The following SLC8A1 variants were observed in gnomAD, a reference collection of about 807,000 sequenced individuals.
The protein encoded by SLC8A1 is solute carrier family 8 member A1, also known as sodium/calcium exchanger 1.
In SLC8A1, 18 loss-of-function variants were observed where a neutral mutation model predicts 68.3. That is an observed-to-expected ratio of 0.26 (90% CI 0.18 to 0.39). SLC8A1 has a LOEUF of 0.39. SLC8A1 is among the 10% of genes least tolerant of loss of function. The pLI, the probability that SLC8A1 is intolerant of heterozygous loss-of-function variation, is 1.00. For missense variants in SLC8A1, 985 were observed against 1,156.7 expected (o/e 0.85, Z 2.15); for synonymous variants, 475 against 415.5 (o/e 1.14, Z -1.74).
At chr2:40,476,272 G>T (rs776664455) in intron 1 of SLC8A1, among the ~76,000 whole-genome samples, 1 of 152,168 alleles carries the variant, frequency 6.6e-6, no homozygotes, top group Admixed American at 6.5e-5. Flanking sequence ...AAGCAATGCT[G>T]TTTCAGTTTC....
chr2:40,499,500 A>G (rs565496725), intron 1 of SLC8A1, among the ~76,000 whole-genome samples: 89 of 152,220 alleles, frequency 5.8e-4, no homozygotes, highest in African/African-American at 1.9e-3. Flanking sequence ...TCCCCAAGGA[A>G]CAAGAGAATT....
At chr2:40,216,597 GAACT>G (rs777683215) in intron 2 of SLC8A1, among the ~76,000 whole-genome samples, 1 of 152,172 alleles carries the variant, frequency 6.6e-6, no homozygotes, top group African/African-American at 2.4e-5. Flanking sequence ...CACAATGGCT[GAACT>G]AATTTAAATT....
intron 2 of SLC8A1, among the ~76,000 whole-genome samples, chr2:40,389,841 T>C (rs185272482): frequency 2.8e-4 from 41 of 147,648 alleles, no homozygotes; most frequent in Non-Finnish European, 2.1e-4. Context: ...ATGATATATA[T>C]ATCATATATA....
At chr2:40,245,831 T>C (rs567675761) in intron 2 of SLC8A1, among the ~76,000 whole-genome samples, 28 of 152,156 alleles carry the variant, frequency 1.8e-4, no homozygotes, top group Non-Finnish European at 1.6e-4. Flanking sequence ...CGTAGAATGG[T>C]AAGAGGTTTA....
chr2:40,106,143 A>T (rs2034183275), exon 8 of SLC8A1: 2 of 152,224 alleles, frequency 1.3e-5, no homozygotes, highest in African/African-American at 4.8e-5. Context: ...TTTAAAGGTG[A>T]TAAGCAAATT....
intron 1 of SLC8A1, among the ~76,000 whole-genome samples, chr2:40,509,783 A>T (rs1342898021): frequency 6.6e-6 from 1 of 151,518 alleles, no homozygotes; most frequent in Non-Finnish European, 1.5e-5. Context: ...TTCATACCTC[A>T]GCTAACTATA....
chr2:40,369,443 C>G (rs546299261), intron 2 of SLC8A1, among the ~76,000 whole-genome samples: 29 of 152,168 alleles, frequency 1.9e-4, no homozygotes, highest in Non-Finnish European at 3.7e-4. Flanking sequence ...TGTTAACATG[C>G]ATGAACTTCA....
At chr2:40,314,963 C>T (rs1378887555) in intron 2 of SLC8A1, among the ~76,000 whole-genome samples, 2 of 151,902 alleles carry the variant, frequency 1.3e-5, no homozygotes, top group Admixed American at 1.3e-4. Context: ...TTCTGTCTTT[C>T]CAATCTGGAT....
At chr2:40,123,199 T>G (rs913459419) in intron 7 of SLC8A1, 4 of 152,230 alleles carry the variant, frequency 2.6e-5, no homozygotes, top group Non-Finnish European at 4.4e-5. Context: ...ACTGATACAT[T>G]TGACAACGGA....
In SLC8A1 at chr2:40,131,735, C is replaced by T. The variant is rs141766111; in HGVS notation, c.2437+7666G>A. ...CATGCCCTTCCTGGGCCCCACTGAC[C>T]GGCACCTGGGTAGCTGTGTATCACA... On this transcript the variant is annotated intron_variant, in intron 7 of 7. Transcript: ENST00000406785. 1.8e-4 allele frequency among the ~76,000 whole-genome samples: 28 copies of T among 152,262 alleles called. 1 individual carries two copies. The highest frequency in any genetic ancestry group is 6.5e-4 in the African/African-American group (27 of 41,548).
chr2:40,361,769 C>T (rs1481484484), intron 2 of SLC8A1, among the ~76,000 whole-genome samples: 3 of 151,602 alleles, frequency 2.0e-5, no homozygotes, highest in Non-Finnish European at 4.4e-5. Flanking sequence ...ATTGCCTCTG[C>T]CCAAATTCTA....
intron 2 of SLC8A1, among the ~76,000 whole-genome samples, chr2:40,232,600 T>TG (rs1224438554): frequency 6.9e-6 from 1 of 144,114 alleles, no homozygotes; most frequent in East Asian, 2.0e-4. Flanking sequence ...TGTATTCTGT[T>TG]TTTTTTTTTT....
intron 2 of SLC8A1, among the ~76,000 whole-genome samples, chr2:40,305,264 G>C (rs1388703371): frequency 6.6e-6 from 1 of 152,190 alleles, no homozygotes; most frequent in Non-Finnish European, 1.5e-5. Flanking sequence ...GCTCCCCAGG[G>C]TTCATAGCCT....
At chr2:40,282,868 C>T (rs1236387045) in intron 2 of SLC8A1, among the ~76,000 whole-genome samples, 2 of 152,114 alleles carry the variant, frequency 1.3e-5, no homozygotes, top group Non-Finnish European at 2.9e-5. Flanking sequence ...TCCCATACCC[C>T]GGACTCCCAG....
intron 2 of SLC8A1, among the ~76,000 whole-genome samples, chr2:40,352,400 C>T (rs747255107): frequency 6.6e-6 from 1 of 152,036 alleles, no homozygotes; most frequent in Non-Finnish European, 1.5e-5. Context: ...TTATGCTTCC[C>T]GTGTTATTCA....
intron 2 of SLC8A1, among the ~76,000 whole-genome samples, chr2:40,368,927 A>G (rs1677111149): frequency 8.5e-6 from 1 of 118,260 alleles, no homozygotes. Context: ...TGACAAAAAC[A>G]GCAGTGAGAA....
chr2:40,198,814 A>T (rs981583674), intron 2 of SLC8A1, among the ~76,000 whole-genome samples: 1 of 151,838 alleles, frequency 6.6e-6, no homozygotes, highest in Non-Finnish European at 1.5e-5. Context: ...TACTATGACA[A>T]ATTTCACATT....
rs548150282 is a variant in SLC8A1 at position 40,156,865 on chromosome 2, C to T, written c.2161+3900G>A. Among the ~76,000 whole-genome samples the T allele has an allele frequency of 8.9e-4, 135 of 152,236 alleles. 3 individuals are homozygous for T. In the Middle Eastern group the frequency reaches 0.01, roughly 12 times the overall value. The stretch of plus-strand genomic sequence containing the variant: ...TTCGCACAATGCATGCATGTCTCTG[C>T]GTACCTGTGTATACGTGTGTTCTAC... On this transcript the variant is annotated intron_variant, in intron 6 of 7. Transcript: ENST00000406785.
At chr2:40,167,930 C>A (rs1404947308) in intron 4 of SLC8A1, among the ~76,000 whole-genome samples, 1 of 152,074 alleles carries the variant, frequency 6.6e-6, no homozygotes, top group Non-Finnish European at 1.5e-5. Flanking sequence ...TGCTTTGAAC[C>A]ATCCTTGTAT....
Sources: allele counts gnomAD v4.1 joint callset (sites outside exome capture counted in the v4.1 genomes callset), GRCh38; gene constraint gnomAD v4.1.1; transcripts MANE v1.5; gene names NCBI Gene and HGNC (gene_info 2026-07-23, HGNC 2026-07-21).